Variants in TBC1D19 observed in about 807,000 individuals in gnomAD.
The protein encoded by TBC1D19 is TBC1 domain family, member 19.
A neutral mutation model predicts 89.0 loss-of-function variants in TBC1D19; 60 were observed. The ratio of observed to expected loss-of-function variants is 0.67; its 90% CI spans 0.55 to 0.84. The LOEUF (loss-of-function observed/expected upper bound fraction) is 0.84. Ranked by LOEUF, TBC1D19 falls within the 40% of genes least tolerant of loss-of-function variation. TBC1D19 has a pLI of 0.00. For synonymous variants in TBC1D19, 189 were observed against 199.7 expected, an observed-to-expected ratio of 0.95 and a Z score of 0.45; for missense variants, 500 against 610.8, an observed-to-expected ratio of 0.82 and a Z score of 1.91.
At chr4:26,823,261 G>C in the TBC1D19 span, among the ~76,000 whole-genome samples, 17 of 152,082 alleles carry the variant, frequency 1.1e-4, no homozygotes, top group African/African-American at 3.9e-4. Flanking sequence ...GGAAAGACCT[G>C]CCCCCATGAT....
the TBC1D19 span, among the ~76,000 whole-genome samples, chr4:26,850,919 T>A: frequency 6.6e-6 from 1 of 152,106 alleles, no homozygotes; most frequent in Non-Finnish European, 1.5e-5. Context: ...TGTGAGTTGG[T>A]GGACTGAGTG....
intron 11 of TBC1D19, among the ~76,000 whole-genome samples, chr4:26,674,182 T>A (rs1712587909): frequency 6.6e-6 from 1 of 152,038 alleles, no homozygotes; most frequent in Non-Finnish European, 1.5e-5. Flanking sequence ...TTTAGATCTG[T>A]GAAGATGTGT....
At chr4:26,828,797 A>G in the TBC1D19 span, among the ~76,000 whole-genome samples, 7 of 152,348 alleles carry the variant, frequency 4.6e-5, no homozygotes, top group South Asian at 1.4e-3. Context: ...GACTTAGCAC[A>G]GTGCCTGGAT....
chr4:26,667,519 A>G (rs1711917291), intron 9 of TBC1D19, among the ~76,000 whole-genome samples: 1 of 152,042 alleles, frequency 6.6e-6, no homozygotes. Context: ...CCATGTTGTT[A>G]TATGTGTTTA....
chr4:26,728,518 A>C (rs1229860931), intron 15 of TBC1D19, among the ~76,000 whole-genome samples: 1 of 152,200 alleles, frequency 6.6e-6, no homozygotes, highest in Non-Finnish European at 1.5e-5. Context: ...AGGAAGGTAA[A>C]AAAAAGATGG....
At chr4:26,744,684 A>G (rs934971182) in intron 18 of TBC1D19, among the ~76,000 whole-genome samples, 18 of 152,108 alleles carry the variant, frequency 1.2e-4, no homozygotes, top group African/African-American at 4.3e-4. Flanking sequence ...TTGGAAAGCT[A>G]TCTTTCTGGC....
chr4:26,670,063 C>A (rs561078606), intron 9 of TBC1D19, among the ~76,000 whole-genome samples: 1 of 151,656 alleles, frequency 6.6e-6, no homozygotes, highest in South Asian at 2.1e-4. Context: ...GAACTTCGCC[C>A]CACTATAGTA....
the TBC1D19 span, among the ~76,000 whole-genome samples, chr4:26,810,703 C>G: frequency 6.6e-6 from 1 of 152,134 alleles, no homozygotes; most frequent in South Asian, 2.1e-4. Flanking sequence ...TGACCACACC[C>G]TATGAGCACA....
At chr4:26,820,543 G>A in the TBC1D19 span, among the ~76,000 whole-genome samples, 1 of 152,186 alleles carries the variant, frequency 6.6e-6, no homozygotes, top group Non-Finnish European at 1.5e-5. Context: ...TTTAAAGGCT[G>A]TATAGTATTC....
At chr4:26,793,423 G>A in the TBC1D19 span, among the ~76,000 whole-genome samples, 1 of 152,160 alleles carries the variant, frequency 6.6e-6, no homozygotes, top group Non-Finnish European at 1.5e-5. Context: ...TACAGTTGAT[G>A]TCATTAAGAA....
chr4:26,583,985 G>A, upstream of TBC1D19: 3 of 565,800 alleles, frequency 5.3e-6, no homozygotes, highest in South Asian at 2.1e-5. Flanking sequence ...TTTTCCGCCG[G>A]CGGAACGCAG....
At chr4:26,832,359 G>A in the TBC1D19 span, among the ~76,000 whole-genome samples, 1 of 152,126 alleles carries the variant, frequency 6.6e-6, no homozygotes, top group South Asian at 2.1e-4. Context: ...CTCTGGCATT[G>A]CAAACACATG....
intron 11 of TBC1D19, among the ~76,000 whole-genome samples, chr4:26,679,335 G>A (rs560327910): frequency 1.4e-4 from 22 of 152,302 alleles, no homozygotes; most frequent in African/African-American, 5.1e-4. Context: ...CAAGATACAG[G>A]TCAGGCCACT....
the TBC1D19 span, among the ~76,000 whole-genome samples, chr4:26,762,690 G>A: frequency 6.6e-6 from 1 of 152,188 alleles, no homozygotes; most frequent in Non-Finnish European, 1.5e-5. Flanking sequence ...TTTGAGATGG[G>A]AAGATTATCC....
chr4:26,731,046 A>G (rs1717630077), intron 15 of TBC1D19, among the ~76,000 whole-genome samples: 2 of 152,168 alleles, frequency 1.3e-5, no homozygotes, highest in Admixed American at 6.5e-5. Flanking sequence ...GCAGCTTTGG[A>G]TGAGGAAGCA....
intron 13 of TBC1D19, among the ~76,000 whole-genome samples, chr4:26,712,611 C>T (rs932444219): frequency 1.3e-5 from 2 of 151,996 alleles, no homozygotes; most frequent in African/African-American, 4.8e-5. Context: ...TGTGACTATA[C>T]CAGAATACCT....
At chr4:26,827,926 A>C in the TBC1D19 span, among the ~76,000 whole-genome samples, 1 of 152,116 alleles carries the variant, frequency 6.6e-6, no homozygotes, top group Non-Finnish European at 1.5e-5. Flanking sequence ...GCCACCTGAC[A>C]AATCCATATC....
the TBC1D19 span, among the ~76,000 whole-genome samples, chr4:26,783,619 T>C: frequency 6.6e-5 from 10 of 152,336 alleles, no homozygotes; most frequent in Admixed American, 6.5e-4. Flanking sequence ...TCCACTTTTA[T>C]GCAAAAGAAC....
intron 15 of TBC1D19, among the ~76,000 whole-genome samples, chr4:26,728,332 A>G (rs1442142732): frequency 6.6e-6 from 1 of 152,196 alleles, no homozygotes; most frequent in East Asian, 1.9e-4. Context: ...ATATGTACTT[A>G]CACTTTTATA....
Sources: allele counts gnomAD v4.1 joint callset (sites outside exome capture counted in the v4.1 genomes callset), GRCh38; gene constraint gnomAD v4.1.1; transcripts MANE v1.5; gene names NCBI Gene and HGNC (gene_info 2026-07-23, HGNC 2026-07-21).